BLTP1: variants seen among roughly 807,000 people sequenced by gnomAD.
The protein encoded by BLTP1 is bridge-like lipid transfer protein family member 1.
chr4:122,286,779 G>A, the BLTP1 span: 3 of 1,606,832 alleles, frequency 1.9e-6, no homozygotes, highest in Non-Finnish European at 2.6e-6. Flanking sequence ...TGCGTTGTGT[G>A]GCAGAAGTAA....
chr4:122,345,409 A>G, the BLTP1 span, among the ~76,000 whole-genome samples: 17 of 151,960 alleles, frequency 1.1e-4, no homozygotes, highest in East Asian at 3.9e-4. Context: ...ATGGTATTCA[A>G]TGGCACAGAA....
At chr4:122,228,176 G>A in the BLTP1 span, among the ~76,000 whole-genome samples, 1 of 152,108 alleles carries the variant, frequency 6.6e-6, no homozygotes, top group African/African-American at 2.4e-5. Flanking sequence ...GCCTCCCAAA[G>A]TGCTGGGATT....
the BLTP1 span, chr4:122,229,740 A>G: frequency 4.2e-6 from 4 of 962,210 alleles, no homozygotes; most frequent in Non-Finnish European, 4.9e-6. Flanking sequence ...TTTTGTTTTT[A>G]TTTTGTTTAA....
At chr4:122,207,330 T>A in the BLTP1 span, 1 of 1,445,206 alleles carries the variant, frequency 6.9e-7, no homozygotes. Context: ...ACTAAGAAAA[T>A]TAGTATTGAT....
chr4:122,172,876 C>A, the BLTP1 span: 3 of 966,420 alleles, frequency 3.1e-6, no homozygotes, highest in Non-Finnish European at 3.7e-6. Context: ...TGGATCTGAT[C>A]GGAATTTATG....
the BLTP1 span, among the ~76,000 whole-genome samples, chr4:122,203,571 G>T: frequency 3.3e-5 from 5 of 151,822 alleles, no homozygotes; most frequent in African/African-American, 1.2e-4. Flanking sequence ...CATCAGGAAA[G>T]TGCTTCCTTT....
the BLTP1 span, chr4:122,187,721 C>A: frequency 2.1e-6 from 1 of 468,858 alleles, no homozygotes; most frequent in South Asian, 9.2e-5. Flanking sequence ...CTTAAATTTT[C>A]TTTTAACTAC....
the BLTP1 span, chr4:122,301,294 C>G: frequency 3.8e-6 from 6 of 1,570,218 alleles, no homozygotes; most frequent in South Asian, 7.3e-5. Flanking sequence ...CTCTTCTTTC[C>G]TTTAGGTGGG....
chr4:122,223,853 C>A, the BLTP1 span: 4 of 341,412 alleles, frequency 1.2e-5, no homozygotes, highest in Non-Finnish European at 1.7e-5. Flanking sequence ...AGGGCATTCC[C>A]AAACTTATTT....
the BLTP1 span, among the ~76,000 whole-genome samples, chr4:122,166,043 A>G: frequency 6.6e-6 from 1 of 152,040 alleles, no homozygotes; most frequent in Non-Finnish European, 1.5e-5. Flanking sequence ...CTCTAATGGT[A>G]GTTTCTTTTG....
the BLTP1 span, among the ~76,000 whole-genome samples, chr4:122,158,787 T>C: frequency 6.6e-6 from 1 of 152,148 alleles, no homozygotes; most frequent in Non-Finnish European, 1.5e-5. Flanking sequence ...AAAATAGTTT[T>C]TGAAAAAATT....
At chr4:122,174,552 T>C in the BLTP1 span, 101 of 1,604,042 alleles carry the variant, frequency 6.3e-5, no homozygotes, top group Non-Finnish European at 8.6e-5. Context: ...CATTAACTGC[T>C]GTTTTTTCCT....
chr4:122,360,638 C>G, the BLTP1 span, among the ~76,000 whole-genome samples: 9 of 152,108 alleles, frequency 5.9e-5, no homozygotes, highest in East Asian at 1.7e-3. Context: ...GCAGAAAGTA[C>G]TGACTTGGTG....
the BLTP1 span, chr4:122,359,669 T>C: frequency 6.2e-7 from 1 of 1,612,700 alleles, no homozygotes; most frequent in Non-Finnish European, 8.5e-7. Context: ...CTTATACTAC[T>C]GTGGACTGGA....
the BLTP1 span, chr4:122,262,746 A>C: frequency 1.9e-6 from 3 of 1,554,050 alleles, no homozygotes; most frequent in Non-Finnish European, 2.6e-6. Flanking sequence ...AAATAACCCT[A>C]AGTTACACTT....
At chr4:122,198,863 T>C in the BLTP1 span, among the ~76,000 whole-genome samples, 5 of 152,124 alleles carry the variant, frequency 3.3e-5, no homozygotes, top group Non-Finnish European at 7.4e-5. Flanking sequence ...ACCACAGAAG[T>C]AGTGTTCATA....
At chr4:122,249,772 C>T in the BLTP1 span, 1 of 1,518,598 alleles carries the variant, frequency 6.6e-7, no homozygotes. Flanking sequence ...CTTTCAGTAA[C>T]CTGAATCAAC....
At chr4:122,178,608 G>A in the BLTP1 span, among the ~76,000 whole-genome samples, 1 of 152,198 alleles carries the variant, frequency 6.6e-6, no homozygotes. Context: ...AATGTACGTT[G>A]ACAACACTGA....
At chr4:122,209,992 G>A in the BLTP1 span, 22 of 1,547,366 alleles carry the variant, frequency 1.4e-5, no homozygotes, top group Middle Eastern at 1.7e-4. Flanking sequence ...TGAAAAATAA[G>A]AAGCAAATAA....
Sources: allele counts gnomAD v4.1 joint callset (sites outside exome capture counted in the v4.1 genomes callset), GRCh38; gene constraint gnomAD v4.1.1; transcripts MANE v1.5; gene names NCBI Gene and HGNC (gene_info 2026-07-23, HGNC 2026-07-21).